Variants in HDAC9 observed in about 807,000 individuals in gnomAD.
HDAC9 encodes the protein histone deacetylase 9.
HDAC9 carries 41 observed loss-of-function variants against 139.4 expected under a neutral mutation model. The observed-to-expected ratio is 0.29, with a 90% CI of 0.23 to 0.38. The LOEUF is 0.38. HDAC9 is among the 10% of genes least tolerant of loss of function. HDAC9 has a pLI of 1.00. For missense variants in HDAC9, 1,147 were observed against 1,297.0 expected (o/e 0.88, Z 1.78); for synonymous variants, 517 against 476.2 (o/e 1.09, Z -1.12).
At chr7:18,286,146 A>G (rs1438270815), upstream of HDAC9, among the ~76,000 whole-genome samples, 2 of 152,080 alleles carry the variant, frequency 1.3e-5, no homozygotes, top group Non-Finnish European at 2.9e-5. Context: ...ACTTGAACAC[A>G]TATTTAAGAA....
chr7:18,728,732 G>T (rs1207426078), intron 13 of HDAC9, among the ~76,000 whole-genome samples: 1 of 152,100 alleles, frequency 6.6e-6, no homozygotes, highest in East Asian at 1.9e-4. Context: ...AAGCCTTCGT[G>T]CTTGGAAAAG....
At chr7:18,147,934 T>C (rs1032372436) in intron 1 of HDAC9, among the ~76,000 whole-genome samples, 17 of 152,184 alleles carry the variant, frequency 1.1e-4, no homozygotes, top group Non-Finnish European at 1.8e-4. Flanking sequence ...TCCGTTGTAT[T>C]AATTGCTGTG....
At chr7:18,295,357 C>A (rs542742768) in intron 1 of HDAC9, among the ~76,000 whole-genome samples, 75 of 152,064 alleles carry the variant, frequency 4.9e-4, no homozygotes, top group Non-Finnish European at 9.4e-4. Context: ...AATAAATAAT[C>A]AAAAAATACC....
chr7:18,226,077 G>A (rs1793032990), intron 2 of HDAC9, among the ~76,000 whole-genome samples: 1 of 152,004 alleles, frequency 6.6e-6, no homozygotes, highest in African/African-American at 2.4e-5. Flanking sequence ...ATCTTGAAAT[G>A]TACTTAACTG....
intron 1 of HDAC9, among the ~76,000 whole-genome samples, chr7:18,434,933 A>G (rs1026652067): frequency 2.0e-5 from 3 of 152,058 alleles, no homozygotes; most frequent in African/African-American, 7.2e-5. Context: ...ATAAAGACAC[A>G]TGAACTTGTA....
chr7:18,699,523 A>G (rs936837131), intron 12 of HDAC9, among the ~76,000 whole-genome samples: 7 of 152,192 alleles, frequency 4.6e-5, no homozygotes, highest in African/African-American at 1.7e-4. Context: ...AGTACAGAAG[A>G]ACATGACAAC....
At chr7:18,632,893 A>G (rs1157417834) in intron 7 of HDAC9, among the ~76,000 whole-genome samples, 2 of 152,084 alleles carry the variant, frequency 1.3e-5, no homozygotes, top group East Asian at 3.9e-4. Context: ...TTTGCAGTAA[A>G]GAGAGAGTGA....
At chr7:18,137,788 C>T (rs1425040887) in intron 1 of HDAC9, among the ~76,000 whole-genome samples, 14 of 150,946 alleles carry the variant, frequency 9.3e-5, no homozygotes, top group Admixed American at 2.6e-4. Flanking sequence ...TGTCTCTGCC[C>T]GGCTTTGGAA....
At chr7:18,107,507 C>A (rs903285604) in intron 1 of HDAC9, among the ~76,000 whole-genome samples, 1 of 132,676 alleles carries the variant, frequency 7.5e-6, no homozygotes, top group Admixed American at 7.5e-5. Context: ...CTCTTTCTTG[C>A]TCTCTCTCTC....
intron 2 of HDAC9, among the ~76,000 whole-genome samples, chr7:18,513,192 T>C (rs891046431): frequency 1.3e-5 from 2 of 152,228 alleles, no homozygotes; most frequent in African/African-American, 4.8e-5. Context: ...GTATCATGCA[T>C]GTAGGATCTT....
At chr7:18,318,207 C>T (rs1279200907) in intron 1 of HDAC9, among the ~76,000 whole-genome samples, 1 of 152,040 alleles carries the variant, frequency 6.6e-6, no homozygotes, top group East Asian at 1.9e-4. Context: ...CAGAGCCCTT[C>T]GTGAAGTAAG....
chr7:18,270,734 A>G (rs565867159), intron 2 of HDAC9, among the ~76,000 whole-genome samples: 19 of 152,280 alleles, frequency 1.2e-4, no homozygotes, highest in Middle Eastern at 3.4e-3. Context: ...ATTACATTTT[A>G]TGTGCACCTT....
In HDAC9 at chr7:18,661,780, T is replaced by C. The variant is rs78409693; in HGVS notation, c.1468-4433T>C. ...AACGTTATTTATTCTGGCTTTTTTC[T>C]TCCCCATGTTTCCTTTGATAGATCA... On this transcript the variant is annotated intron_variant, in intron 11 of 25. Transcript: ENST00000686413. 5.1e-4 allele frequency among the ~76,000 whole-genome samples: 77 copies of C among 152,298 alleles called. 2 individuals carry two copies. The East Asian group carries it at 0.014, about 27-fold the overall frequency.
At chr7:18,615,725 C>T (rs1838395234) in intron 6 of HDAC9, among the ~76,000 whole-genome samples, 1 of 152,126 alleles carries the variant, frequency 6.6e-6, no homozygotes, top group Non-Finnish European at 1.5e-5. Flanking sequence ...ATTAAAAATA[C>T]AGCCCAGTAA....
At chr7:18,413,625 T>G (rs1168778984) in intron 1 of HDAC9, among the ~76,000 whole-genome samples, 1 of 152,172 alleles carries the variant, frequency 6.6e-6, no homozygotes, top group Non-Finnish European at 1.5e-5. Flanking sequence ...AACTATATAA[T>G]TCTTACTTTA....
intron 2 of HDAC9, among the ~76,000 whole-genome samples, chr7:18,181,441 C>T (rs1402538069): frequency 6.6e-6 from 1 of 152,118 alleles, no homozygotes; most frequent in Admixed American, 6.5e-5. Context: ...CTTTGTATGT[C>T]TCCTTTTGCA....
chr7:18,854,567 T>G (rs1357961536), intron 21 of HDAC9, among the ~76,000 whole-genome samples: 1 of 151,584 alleles, frequency 6.6e-6, no homozygotes, highest in Non-Finnish European at 1.5e-5. Context: ...GAAGAGTCAA[T>G]AGGAGGGTAG....
At chr7:18,211,753 T>C (rs1178383) in intron 2 of HDAC9, among the ~76,000 whole-genome samples, 5,895 of 152,246 alleles carry the variant, frequency 0.039, 154 homozygotes, top group African/African-American at 0.062. Flanking sequence ...CCGTGTCCAT[T>C]GTGATTATTG....
chr7:18,879,407 A>G (rs191791133), intron 22 of HDAC9, among the ~76,000 whole-genome samples: 205 of 152,284 alleles, frequency 1.3e-3, no homozygotes, highest in African/African-American at 4.8e-3. Context: ...CCCAACTTCA[A>G]ACTATACTTC....
Sources: gnomAD v4.1 joint callset for allele counts (sites outside exome capture counted in the v4.1 genomes callset) on GRCh38, gnomAD v4.1.1 for gene constraint, MANE v1.5 for transcripts, NCBI Gene and HGNC (gene_info 2026-07-23, HGNC 2026-07-21) for gene names.